Variants in TFB1M observed in about 807,000 individuals in gnomAD.
TFB1M encodes the protein transcription factor B1, mitochondrial, also known as dimethyladenosine transferase 1, mitochondrial.
A neutral mutation model predicts 31.1 loss-of-function variants in TFB1M; 27 were observed. The observed-to-expected ratio is 0.87, with a 90% CI of 0.64 to 1.20. The LOEUF (loss-of-function observed/expected upper bound fraction) is 1.20, where lower values mean the gene tolerates loss of function less well. Among genes scored for constraint, TFB1M ranks in the 50% most tolerant of loss-of-function variants. TFB1M has a pLI of 0.00. For synonymous variants in TFB1M, 166 were observed against 151.8 expected (o/e 1.09, Z -0.69); for missense variants, 394 against 418.7 (o/e 0.94, Z 0.51).
chr6:155,254,391 C>T, downstream of TFB1M: 4 of 1,606,916 alleles, frequency 2.5e-6, no homozygotes, highest in African/African-American at 2.7e-5. Context: ...GTGGACACTT[C>T]TGCTGTTTTC....
At chr6:155,278,855 A>G (rs73008664) in intron 5 of TFB1M, among the ~76,000 whole-genome samples, 1 of 152,300 alleles carries the variant, frequency 6.6e-6, no homozygotes, top group Non-Finnish European at 1.5e-5. Flanking sequence ...GAGATGATAC[A>G]CAGAAAGCAG....
chr6:155,270,907 C>T (rs1562394053), intron 5 of TFB1M, among the ~76,000 whole-genome samples: 1 of 152,178 alleles, frequency 6.6e-6, no homozygotes, highest in African/African-American at 2.4e-5. Flanking sequence ...GTTTGTATTT[C>T]CCATGAAATA....
intron 3 of TFB1M, among the ~76,000 whole-genome samples, chr6:155,297,515 C>T (rs554174908): frequency 6.6e-6 from 1 of 152,120 alleles, no homozygotes; most frequent in East Asian, 1.9e-4. Context: ...GTCTGCAATA[C>T]GTAGGTGGTA....
Position 155,257,242 on chromosome 6 carries a change from A to G in TFB1M, c.*594T>C, listed in dbSNP as rs1784117103. 12 of 1,091,036 alleles carry G rather than the reference A, an allele frequency of 1.1e-5. No individual in the cohort carries two copies. Among genetic ancestry groups the G allele is most frequent in the Non-Finnish European group, 9.0e-6 (7 of 778,458 alleles). The allele number at this position is 1,091,036 out of a possible 1,614,324, so 67.6% of individuals were successfully genotyped here. Reference sequence around the variant, plus strand: ...CATTCCTGGGTTTTGTGCAGTATACATTTTCCCACAAAATGGTTGTAAAGA... The same window carrying G: ...CATTCCTGGGTTTTGTGCAGTATACGTTTTCCCACAAAATGGTTGTAAAGA... On this transcript the variant is annotated 3_prime_UTR_variant, in exon 7 of 7. Coordinates refer to ENST00000367166, the MANE Select transcript of TFB1M (RefSeq NM_016020.4).
intron 2 of TFB1M, among the ~76,000 whole-genome samples, chr6:155,303,983 T>C (rs1158002240): frequency 1.3e-5 from 2 of 152,166 alleles, no homozygotes. Flanking sequence ...AACTTTCCAC[T>C]ATGCCAATGA....
Position 155,257,620 on chromosome 6 carries a change from TAA to T in TFB1M, c.*214_*215del, listed in dbSNP as rs1784152350. Reference sequence around the variant, plus strand: ...GATGCTGTTTATACTAAACATGTCATAACTATCTATACAGTATATATTAAAAG... The same window carrying T: ...GATGCTGTTTATACTAAACATGTCATCTATCTATACAGTATATATTAAAAG... On this transcript the variant is annotated 3_prime_UTR_variant, in exon 7 of 7. Transcript: ENST00000367166. 2 of 553,806 alleles carry T rather than the reference TAA, an allele frequency of 3.6e-6. No individual in the cohort carries two copies. Among genetic ancestry groups the T allele is most frequent in the Non-Finnish European group, 6.3e-6 (2 of 317,884 alleles). The allele number at this position is 553,806 out of a possible 1,614,324, so 34.3% of individuals were successfully genotyped here.
intron 4 of TFB1M, among the ~76,000 whole-genome samples, chr6:155,289,835 T>A (rs1776826279): frequency 6.6e-6 from 1 of 152,122 alleles, no homozygotes; most frequent in African/African-American, 2.4e-5. Context: ...GGGGCAGATT[T>A]CCCTCTTGCA....
intron 5 of TFB1M, among the ~76,000 whole-genome samples, chr6:155,280,458 C>T (rs1056789316): frequency 7.9e-5 from 12 of 152,162 alleles, no homozygotes; most frequent in African/African-American, 2.7e-4. Flanking sequence ...CTCCTCCCGC[C>T]GTGGTTCTAG....
intron 6 of TFB1M, among the ~76,000 whole-genome samples, chr6:155,259,487 AT>A (rs1784291300): frequency 6.6e-6 from 1 of 152,242 alleles, no homozygotes; most frequent in African/African-American, 2.4e-5. Flanking sequence ...ATCTGCTGTC[AT>A]TTCATATGCT....
chr6:155,245,697 T>A, the TFB1M span: 1 of 1,612,730 alleles, frequency 6.2e-7, no homozygotes, highest in Non-Finnish European at 8.5e-7. Flanking sequence ...GATTCTGTGC[T>A]AACCATATCA....
At chr6:155,258,513 TA>T (rs568213387) in intron 6 of TFB1M, among the ~76,000 whole-genome samples, 2 of 149,344 alleles carry the variant, frequency 1.3e-5, no homozygotes, top group African/African-American at 5.0e-5. Flanking sequence ...CTCTTCACGC[TA>T]AAAGAGTTAC....
intron 4 of TFB1M, among the ~76,000 whole-genome samples, chr6:155,295,203 A>G (rs1460278433): frequency 6.6e-6 from 1 of 151,998 alleles, no homozygotes; most frequent in Non-Finnish European, 1.5e-5. Flanking sequence ...CGTCTCTACT[A>G]AAAATACAAA....
At chr6:155,262,948 C>T (rs1472138156) in intron 5 of TFB1M, among the ~76,000 whole-genome samples, 2 of 152,206 alleles carry the variant, frequency 1.3e-5, no homozygotes, top group Admixed American at 1.3e-4. Context: ...TTCCAATACT[C>T]TGTTAAGTTG....
chr6:155,240,527 CAG>C, the TFB1M span: 1 of 1,602,296 alleles, frequency 6.2e-7, no homozygotes, highest in Non-Finnish European at 8.5e-7. Context: ...TGTCCTCTCT[CAG>C]AGTGCTGAGC....
chr6:155,241,343 G>C, the TFB1M span, among the ~76,000 whole-genome samples: 1 of 152,150 alleles, frequency 6.6e-6, no homozygotes, highest in African/African-American at 2.4e-5. Flanking sequence ...TTGTTTCCTG[G>C]AGCTTTGGTA....
rs1784110162 is a variant in TFB1M, at chr6:155,257,189, G to GAAA, written c.*646_*647insTTT. The GAAA allele has an allele frequency of 7.7e-4, 412 of 532,404 alleles. No homozygotes were observed. Among genetic ancestry groups the GAAA allele is most frequent in the South Asian group, 2.1e-3 (60 of 28,752 alleles). 33.0% of individuals were successfully genotyped at this position (532,404 alleles called of 1,614,324 possible). A position where few individuals can be genotyped will look rare whatever the true frequency, so the allele number is the denominator to read the frequency against. ...TTAAACTGGTGGTAAAGTGGAAATT[G>GAAA]CAAAAAAAAAAAAAAAAAAAAACTG... On this transcript the variant is annotated 3_prime_UTR_variant, in exon 7 of 7. Coordinates refer to ENST00000367166, the MANE Select transcript of TFB1M (RefSeq NM_016020.4).
the TFB1M span, among the ~76,000 whole-genome samples, chr6:155,246,176 A>C: frequency 6.6e-6 from 1 of 152,072 alleles, no homozygotes; most frequent in Admixed American, 6.5e-5. Context: ...CTCTGGTGCA[A>C]CTGGAAAGAG....
At chr6:155,290,612 T>C (rs2114757472) in intron 4 of TFB1M, among the ~76,000 whole-genome samples, 1 of 152,194 alleles carries the variant, frequency 6.6e-6, no homozygotes, top group East Asian at 1.9e-4. Context: ...TTGCATATGG[T>C]GAAGTCGAAG....
In TFB1M at chr6:155,256,501, A is replaced by AAAG. The variant is rs778419608; in HGVS notation, c.*1332_*1334dup. 6.2e-7 allele frequency: 1 copy of AAAG among 1,614,216 alleles called. No homozygotes were observed. The highest frequency in any genetic ancestry group is 1.7e-5 in the Admixed American group (1 of 60,024). On this transcript the variant is annotated 3_prime_UTR_variant, in exon 7 of 7. Coordinates refer to ENST00000367166, the MANE Select transcript of TFB1M (RefSeq NM_016020.4). ...CACTGTAGCTTCATCCAGGTCTTTA[A>AAAG]AAGTCCTGAAGAATTCCTCCAGCAA...
Sources: allele counts gnomAD v4.1 joint callset (sites outside exome capture counted in the v4.1 genomes callset), GRCh38; gene constraint gnomAD v4.1.1; transcripts MANE v1.5; gene names NCBI Gene and HGNC (gene_info 2026-07-23, HGNC 2026-07-21).